CDS1: variants seen among roughly 807,000 people sequenced by gnomAD.
CDS1 encodes phosphatidate cytidylyltransferase 1.
A neutral mutation model predicts 62.1 loss-of-function variants in CDS1; 41 were observed. The observed-to-expected ratio is 0.66, with a 90% CI of 0.51 to 0.86. The LOEUF (loss-of-function observed/expected upper bound fraction) is 0.86. Among genes scored for constraint, CDS1 ranks in the 40% least tolerant of loss-of-function variants. CDS1 has a pLI of 0.00. For synonymous variants in CDS1, 185 were observed against 192.6 expected, an observed-to-expected ratio of 0.96 and a Z score of 0.32; for missense variants, 470 against 550.1, an observed-to-expected ratio of 0.85 and a Z score of 1.46.
intron 1 of CDS1, among the ~76,000 whole-genome samples, chr4:84,603,576 G>A (rs1723000781): frequency 6.6e-6 from 1 of 152,154 alleles, no homozygotes; most frequent in African/African-American, 2.4e-5. Context: ...ATTCTGCAGT[G>A]ACCACCTTTG....
chr4:84,647,384 G>T (rs1172557223), intron 12 of CDS1, among the ~76,000 whole-genome samples: 1 of 152,012 alleles, frequency 6.6e-6, no homozygotes, highest in Admixed American at 6.6e-5. Context: ...AAAAAATGCT[G>T]TCCTCTCAGT....
chr4:84,629,117 A>T (rs1439145649), intron 5 of CDS1, among the ~76,000 whole-genome samples: 1 of 152,298 alleles, frequency 6.6e-6, no homozygotes, highest in East Asian at 1.9e-4. Context: ...CAGGGAAAAA[A>T]CCTATGGATC....
In CDS1 at chr4:84,605,442, CT is replaced by C. The variant is rs879764990; in HGVS notation, c.245+1083del. Among the ~76,000 whole-genome samples the C allele has an allele frequency of 2.8e-3, 404 of 142,996 alleles. 2 individuals are homozygous for C. The highest frequency in any genetic ancestry group is 7.9e-3 in the African/African-American group (308 of 39,142). The allele number at this position is 142,996 out of a possible 152,430, so 93.8% of individuals were successfully genotyped here. A position where few individuals can be genotyped will look rare whatever the true frequency, so the allele number is the denominator to read the frequency against. On this transcript the variant is annotated intron_variant, in intron 2 of 12. Transcript: ENST00000295887. The stretch of plus-strand genomic sequence containing the variant: ...TCTAGTAAATGTAATATGAATTTTT[CT>C]TTTTTTTTTTACTTTGTAAGGGATA...
chr4:84,608,128 G>A (rs137895734), intron 2 of CDS1, among the ~76,000 whole-genome samples: 235 of 152,358 alleles, frequency 1.5e-3, no homozygotes, highest in African/African-American at 5.4e-3. Flanking sequence ...TGGTGTACCA[G>A]CAGGAAAGCT....
chr4:84,604,393 A>G (rs1723029569), intron 2 of CDS1, 23 bp downstream of exon 2: 2 of 1,608,242 alleles, frequency 1.2e-6, no homozygotes, highest in South Asian at 1.1e-5. Flanking sequence ...GAAGATGAGT[A>G]TATCTTAGTG....
intron 8 of CDS1, among the ~76,000 whole-genome samples, chr4:84,635,652 T>TCCC (rs1365307466): frequency 9.2e-5 from 11 of 119,382 alleles, no homozygotes; most frequent in African/African-American, 3.1e-4. Context: ...CCTTCCTTCC[T>TCCC]TCCTTCCTTC....
At chr4:84,612,533 A>G (rs1723356292) in intron 3 of CDS1, among the ~76,000 whole-genome samples, 1 of 152,228 alleles carries the variant, frequency 6.6e-6, no homozygotes, top group Non-Finnish European at 1.5e-5. Context: ...AGTTTTAAAG[A>G]CATGCATGCA....
At chr4:84,622,441 A>G (rs1031942190) in intron 5 of CDS1, among the ~76,000 whole-genome samples, 3 of 151,790 alleles carry the variant, frequency 2.0e-5, no homozygotes, top group Non-Finnish European at 1.5e-5. Flanking sequence ...ATACAAAAAA[A>G]AATTAGCCGG....
chr4:84,601,520 G>A (rs1407422943), intron 1 of CDS1, among the ~76,000 whole-genome samples: 1 of 152,146 alleles, frequency 6.6e-6, no homozygotes, highest in Admixed American at 6.5e-5. Context: ...ACGTGGTGGT[G>A]GGAGAACACA....
chr4:84,593,474 C>G (rs531926977), intron 1 of CDS1, among the ~76,000 whole-genome samples: 1 of 151,776 alleles, frequency 6.6e-6, no homozygotes, highest in African/African-American at 2.4e-5. Context: ...TGAGTATACA[C>G]TCTGATCAGC....
Position 84,645,303 on chromosome 4 carries a change from G to A in CDS1, c.1234G>A (p.Val412Met). 1 of 1,601,716 alleles carries A rather than the reference G, an allele frequency of 6.2e-7. No individual in the cohort carries two copies. Among genetic ancestry groups the A allele is most frequent in the Non-Finnish European group, 8.6e-7 (1 of 1,169,000 alleles). ...GTATTTGATGGCAACTTTTGTACAT[G>A]TGTACATCACAAGTTTTATAAGGTA... ...CQYLMATFVH[V>M]YITSFIRGPN... Residue 412 changes from valine (V) to methionine (M), a missense_variant, in exon 12 of 13, where the codon GTG becomes ATG. Transcript: ENST00000295887.
At chr4:84,635,542 T>C (rs1025875459) in intron 8 of CDS1, among the ~76,000 whole-genome samples, 191 bp downstream of exon 8, 1 of 151,632 alleles carries the variant, frequency 6.6e-6, no homozygotes, top group Non-Finnish European at 1.5e-5. Flanking sequence ...AGCTCTTCTG[T>C]TGGCTCCTCA....
At chr4:84,623,729 C>T (rs994129776) in intron 5 of CDS1, among the ~76,000 whole-genome samples, 3 of 152,266 alleles carry the variant, frequency 2.0e-5, no homozygotes, top group East Asian at 1.9e-4. Context: ...GCTCACAGTC[C>T]TGCGGATTGG....
At chr4:84,643,179 A>C (rs996478862) in intron 11 of CDS1, 36 bp downstream of exon 11, 1 of 1,596,992 alleles carries the variant, frequency 6.3e-7, no homozygotes, top group African/African-American at 1.3e-5. Context: ...TTATTAGAGA[A>C]TATAATTAGA....
At chr4:84,600,437 C>G (rs1420206240) in intron 1 of CDS1, among the ~76,000 whole-genome samples, 1 of 152,062 alleles carries the variant, frequency 6.6e-6, no homozygotes, top group Admixed American at 6.5e-5. Context: ...TAACCAAGGT[C>G]CCAGAGAGTT....
intron 1 of CDS1, among the ~76,000 whole-genome samples, chr4:84,598,415 T>C (rs190060999): frequency 9.9e-4 from 150 of 151,436 alleles, no homozygotes; most frequent in African/African-American, 3.3e-3. Context: ...TTTTCTTTTT[T>C]TTTTTTAATT....
chr4:84,634,121 C>T (rs1431601064), intron 7 of CDS1, among the ~76,000 whole-genome samples, 182 bp downstream of exon 7: 3 of 152,140 alleles, frequency 2.0e-5, no homozygotes, highest in Non-Finnish European at 2.9e-5. Context: ...GCTTCATTAA[C>T]AACTGGATAC....
At chr4:84,625,390 T>G (rs551674254) in intron 5 of CDS1, among the ~76,000 whole-genome samples, 63 of 152,200 alleles carry the variant, frequency 4.1e-4, no homozygotes, top group Admixed American at 7.2e-4. Flanking sequence ...TGGTAAGATG[T>G]GAGTCTTCTA....
intron 5 of CDS1, among the ~76,000 whole-genome samples, chr4:84,627,588 G>A (rs1385138848): frequency 6.6e-6 from 1 of 152,064 alleles, no homozygotes; most frequent in African/African-American, 2.4e-5. Context: ...TCCAACTATA[G>A]TGATGTGCAT....
Sources: gnomAD v4.1 joint callset for allele counts (sites outside exome capture counted in the v4.1 genomes callset) on GRCh38, gnomAD v4.1.1 for gene constraint, MANE v1.5 for transcripts, NCBI Gene and HGNC (gene_info 2026-07-23, HGNC 2026-07-21) for gene names.